Variants in VPS35L observed in about 807,000 individuals in gnomAD.
VPS35L encodes VPS35 endosomal protein sorting factor like.
A neutral mutation model predicts 133.0 loss-of-function variants in VPS35L; 83 were observed. The ratio of observed to expected loss-of-function variants is 0.62; its 90% CI spans 0.52 to 0.75. VPS35L has a LOEUF of 0.75. VPS35L is among the 30% of genes least tolerant of loss of function. The pLI, the probability that VPS35L is intolerant of heterozygous loss-of-function variation, is 0.00. For synonymous variants in VPS35L, 423 were observed against 449.9 expected (o/e 0.94, Z 0.76); for missense variants, 1,083 against 1,206.8 (o/e 0.90, Z 1.52).
chr16:19,612,044 T>C (rs1004961484), intron 12 of VPS35L, among the ~76,000 whole-genome samples: 15 of 150,746 alleles, frequency 1.0e-4, no homozygotes, highest in African/African-American at 3.7e-4. Flanking sequence ...GTTCAAGCAA[T>C]TCTTCTGCTG....
At chr16:19,630,502 T>G (rs562457350) in intron 18 of VPS35L, among the ~76,000 whole-genome samples, 2 of 151,810 alleles carry the variant, frequency 1.3e-5, no homozygotes, top group East Asian at 3.9e-4. Context: ...CCTGGCTAAT[T>G]TTTTTGTGTT....
intron 27 of VPS35L, among the ~76,000 whole-genome samples, chr16:19,670,515 A>G (rs1485765384): frequency 1.3e-5 from 2 of 152,246 alleles, no homozygotes; most frequent in African/African-American, 4.8e-5. Flanking sequence ...AGTACTCACA[A>G]TGTCAGAACC....
At chr16:19,587,413 T>A in intron 7 of VPS35L, 1 of 439,226 alleles carries the variant, frequency 2.3e-6, no homozygotes, top group Non-Finnish European at 4.6e-6. Context: ...GCGGATCAGC[T>A]GAGGTCGGGA....
intron 1 of VPS35L, among the ~76,000 whole-genome samples, chr16:19,556,435 G>T (rs930340062): frequency 6.6e-6 from 1 of 152,186 alleles, no homozygotes; most frequent in African/African-American, 2.4e-5. Context: ...TGCCTGGTTG[G>T]CAGGCCCGTA....
intron 7 of VPS35L, among the ~76,000 whole-genome samples, chr16:19,585,070 T>A (rs1971822410): frequency 6.6e-6 from 1 of 152,234 alleles, no homozygotes. Context: ...ATATTACATG[T>A]GGGTAGTTCG....
chr16:19,683,299 T>TA (rs1975351241), intron 28 of VPS35L, among the ~76,000 whole-genome samples: 1 of 152,190 alleles, frequency 6.6e-6, no homozygotes, highest in Admixed American at 6.5e-5. Flanking sequence ...AAACACTGTT[T>TA]AAAAAAATAA....
chr16:19,629,741 T>A (rs1973384236), intron 17 of VPS35L, 26 bp from the exon 18 acceptor site: 1 of 1,606,678 alleles, frequency 6.2e-7, no homozygotes, highest in Non-Finnish European at 8.5e-7. Flanking sequence ...TACTTAATGT[T>A]AAGATGTTTT....
intron 5 of VPS35L, among the ~76,000 whole-genome samples, chr16:19,577,932 C>T (rs1379709196): frequency 6.6e-6 from 1 of 152,192 alleles, no homozygotes; most frequent in African/African-American, 2.4e-5. Context: ...ATACATTGCT[C>T]TTATTTATAA....
chr16:19,680,308 T>C (rs1455030592), intron 27 of VPS35L, among the ~76,000 whole-genome samples: 1 of 152,170 alleles, frequency 6.6e-6, no homozygotes, highest in Non-Finnish European at 1.5e-5. Flanking sequence ...AAAACTACAA[T>C]CCATTCAACA....
At chr16:19,620,820 A>G (rs2151557923) in intron 14 of VPS35L, among the ~76,000 whole-genome samples, 1 of 152,152 alleles carries the variant, frequency 6.6e-6, no homozygotes, top group South Asian at 2.1e-4. Flanking sequence ...GTGTGGTGGC[A>G]TGCGCCTGTA....
chr16:19,677,655 G>T (rs1243190197), intron 27 of VPS35L, among the ~76,000 whole-genome samples: 2 of 152,166 alleles, frequency 1.3e-5, no homozygotes, highest in South Asian at 2.1e-4. Flanking sequence ...AGGGCACAGG[G>T]GATGCCCGAG....
intron 26 of VPS35L, among the ~76,000 whole-genome samples, chr16:19,655,835 A>G (rs749042748): frequency 6.6e-5 from 10 of 152,200 alleles, no homozygotes; most frequent in Non-Finnish European, 1.2e-4. Context: ...TCCCTTCTCT[A>G]GGTAACTTCT....
intron 8 of VPS35L, among the ~76,000 whole-genome samples, chr16:19,594,992 G>C (rs1169036896): frequency 6.6e-6 from 1 of 152,142 alleles, no homozygotes; most frequent in African/African-American, 2.4e-5. Flanking sequence ...CTTGTGCGGA[G>C]ATCCTGGGGT....
At chr16:19,557,945 G>A (rs532354509) in intron 1 of VPS35L, among the ~76,000 whole-genome samples, 2 of 152,184 alleles carry the variant, frequency 1.3e-5, no homozygotes, top group Admixed American at 1.3e-4. Context: ...CAGCTACTTA[G>A]GAGGCTGAAG....
Position 19,558,733 on chromosome 16 carries a change from C to T in VPS35L, c.17+2987C>T, listed in dbSNP as rs113707423. ...GTCCGGAGTTCAAGACCAGCCTGAC[C>T]AACATAGTGAAACCCTGTCTCTACT... On this transcript the variant is annotated intron_variant, in intron 1 of 30. Transcript: ENST00000417362. Among the ~76,000 whole-genome samples, 1,377 of 151,818 alleles carry T rather than the reference C, an allele frequency of 9.1e-3. 18 individuals are homozygous for T. Among genetic ancestry groups the T allele is most frequent in the African/African-American group, 0.032 (1,310 of 41,382 alleles).
chr16:19,608,352 A>T (rs920138463), intron 10 of VPS35L, 78 bp downstream of exon 10: 1 of 1,087,648 alleles, frequency 9.2e-7, no homozygotes, highest in Non-Finnish European at 1.4e-6. Flanking sequence ...AAGCCATGTG[A>T]TGGGATGCCC....
At chr16:19,634,298 G>A (rs934147127) in intron 19 of VPS35L, among the ~76,000 whole-genome samples, 14 of 151,738 alleles carry the variant, frequency 9.2e-5, no homozygotes, top group Non-Finnish European at 1.8e-4. Flanking sequence ...TTAGCCATGC[G>A]TGGTGGTGCA....
chr16:19,571,775 C>T (rs1971392928), intron 3 of VPS35L, among the ~76,000 whole-genome samples: 1 of 151,698 alleles, frequency 6.6e-6, no homozygotes, highest in East Asian at 1.9e-4. Flanking sequence ...GAACTCCTAA[C>T]CTCAGGTGAT....
intron 2 of VPS35L, among the ~76,000 whole-genome samples, chr16:19,566,082 C>T (rs139378719): frequency 0.015 from 2,304 of 152,196 alleles, 35 homozygotes; most frequent in Non-Finnish European, 0.024. Context: ...AAGCAGAAGA[C>T]CCCAAGACTG....
Sources: gnomAD v4.1 joint callset for allele counts (sites outside exome capture counted in the v4.1 genomes callset) on GRCh38, gnomAD v4.1.1 for gene constraint, MANE v1.5 for transcripts, NCBI Gene and HGNC (gene_info 2026-07-23, HGNC 2026-07-21) for gene names.